IRAG1: variants seen among roughly 807,000 people sequenced by gnomAD.
IRAG1 encodes IP3R-associated cGMP kinase substrate.
In IRAG1, 62 loss-of-function variants were observed where a neutral mutation model predicts 106.2. That is an observed-to-expected ratio of 0.58 (90% confidence interval 0.48 to 0.72). The LOEUF is 0.72. IRAG1 is among the 30% of genes least tolerant of loss of function. IRAG1 has a pLI of 0.00. For missense variants in IRAG1, 1,064 were observed against 1,140.7 expected (o/e 0.93, Z 0.97); for synonymous variants, 462 against 443.9 (o/e 1.04, Z -0.51).
intron 1 of IRAG1, among the ~76,000 whole-genome samples, chr11:10,685,562 G>A (rs543212070): frequency 1.0e-4 from 15 of 150,634 alleles, no homozygotes; most frequent in South Asian, 2.1e-4. Flanking sequence ...ACAAAAAAAC[G>A]TTTAAAACAT....
chr11:10,682,242 A>G (rs1861315370), intron 1 of IRAG1, among the ~76,000 whole-genome samples: 1 of 152,210 alleles, frequency 6.6e-6, no homozygotes, highest in Non-Finnish European at 1.5e-5. Flanking sequence ...TTACAGTAAT[A>G]AGCACATTAT....
intron 18 of IRAG1, among the ~76,000 whole-genome samples, chr11:10,588,088 T>C (rs1248419881): frequency 6.6e-6 from 1 of 152,226 alleles, no homozygotes; most frequent in Non-Finnish European, 1.5e-5. Flanking sequence ...ATTACCATTG[T>C]CATCAGTGCA....
intron 18 of IRAG1, among the ~76,000 whole-genome samples, chr11:10,584,176 G>C (rs1457598133): frequency 6.6e-6 from 1 of 152,136 alleles, no homozygotes; most frequent in Non-Finnish European, 1.5e-5. Flanking sequence ...AGGCAACACT[G>C]TGAGCAGAGC....
At position 10,689,339 on chromosome 11, in the gene IRAG1, T is replaced by C. The variant is rs116511999; in HGVS notation, c.67+4197A>G. The stretch of plus-strand genomic sequence containing the variant: ...AGCAATTCTCATTCCCGGCTGACCC[T>C]GGACAGTCGGTCAACCTACCTCAAA... On this transcript the variant is annotated intron_variant, in intron 1 of 20. Coordinates refer to ENST00000423302, the MANE Select transcript of IRAG1 (RefSeq NM_130385.4). 6.0e-3 allele frequency among the ~76,000 whole-genome samples: 917 copies of C among 152,314 alleles called. 9 individuals are homozygous for C. Among genetic ancestry groups the C allele is most frequent in the African/African-American group, 0.02 (851 of 41,554 alleles).
At chr11:10,693,354 T>A in intron 1 of IRAG1, 182 bp downstream of exon 1, 1 of 1,238,062 alleles carries the variant, frequency 8.1e-7, no homozygotes, top group Non-Finnish European at 1.1e-6. Flanking sequence ...CACTTCTGAT[T>A]TAAAACTTAA....
In IRAG1 at chr11:10,693,677, C is replaced by G; in HGVS notation, c.-75G>C. 6.7e-7 allele frequency: 1 copy of G among 1,494,296 alleles called. No homozygotes were observed. The highest frequency in any genetic ancestry group is 9.0e-7 in the Non-Finnish European group (1 of 1,112,018). 92.6% of individuals were successfully genotyped at this position (1,494,296 alleles called of 1,614,324 possible). ...TGGCTGCAGAACCTCGGCCGCACGC[C>G]TCCTCTGAGAGGGGCTGGGACTTAG... On this transcript the variant is annotated 5_prime_UTR_variant, in exon 1 of 21. Transcript: ENST00000423302.
chr11:10,593,931 T>C (rs1266016987), intron 16 of IRAG1: 1 of 589,748 alleles, frequency 1.7e-6, no homozygotes, highest in Non-Finnish European at 3.0e-6. Context: ...GATCACTTCA[T>C]GTTCATTTAA....
At chr11:10,670,376 C>G (rs961373442) in intron 1 of IRAG1, among the ~76,000 whole-genome samples, 1 of 152,124 alleles carries the variant, frequency 6.6e-6, no homozygotes, top group South Asian at 2.1e-4. Flanking sequence ...TTAGAGTAGT[C>G]CTTAACTAAA....
chr11:10,658,443 G>A (rs565454324), intron 1 of IRAG1: 10 of 152,838 alleles, frequency 6.5e-5, no homozygotes, highest in African/African-American at 2.2e-4. Flanking sequence ...GGTACATAGA[G>A]TCCACTCAGT....
intron 1 of IRAG1, among the ~76,000 whole-genome samples, chr11:10,672,807 ATTC>A (rs1860351592): frequency 6.6e-6 from 1 of 152,224 alleles, no homozygotes; most frequent in Non-Finnish European, 1.5e-5. Context: ...TGATCTACCA[ATTC>A]TTCTAGATAT....
intron 2 of IRAG1, among the ~76,000 whole-genome samples, chr11:10,645,185 G>C (rs181947233): frequency 9.5e-4 from 145 of 152,176 alleles, no homozygotes; most frequent in African/African-American, 3.3e-3. Flanking sequence ...TCAATTCCTC[G>C]ATTCCATATT....
intron 2 of IRAG1, among the ~76,000 whole-genome samples, chr11:10,643,132 C>T (rs115935964): frequency 0.011 from 1,569 of 145,274 alleles, 29 homozygotes; most frequent in African/African-American, 0.039. Context: ...CCTGATCGTG[C>T]CACTGCACTC....
intron 10 of IRAG1, among the ~76,000 whole-genome samples, chr11:10,623,051 G>C (rs973927307): frequency 6.6e-6 from 1 of 152,194 alleles, no homozygotes; most frequent in East Asian, 1.9e-4. Context: ...TTCTTAGCCT[G>C]GTTTTACATG....
At chr11:10,648,773 G>A (rs190044635) in intron 2 of IRAG1, among the ~76,000 whole-genome samples, 14 of 152,238 alleles carry the variant, frequency 9.2e-5, no homozygotes, top group Admixed American at 4.6e-4. Flanking sequence ...TGAAGAGTAC[G>A]TCTGTCTGTG....
intron 10 of IRAG1, among the ~76,000 whole-genome samples, chr11:10,614,622 C>G (rs1206210127): frequency 6.6e-6 from 1 of 152,142 alleles, no homozygotes; most frequent in East Asian, 1.9e-4. Flanking sequence ...GAACAAAGCC[C>G]TCAGAAATAA....
At chr11:10,626,952 G>A (rs1052043573) in intron 8 of IRAG1, among the ~76,000 whole-genome samples, 1 of 152,190 alleles carries the variant, frequency 6.6e-6, no homozygotes, top group African/African-American at 2.4e-5. Context: ...AATTATGTAT[G>A]TGTATGTCTG....
chr11:10,604,909 G>C (rs1264534470), intron 12 of IRAG1, among the ~76,000 whole-genome samples: 1 of 152,236 alleles, frequency 6.6e-6, no homozygotes, highest in Non-Finnish European at 1.5e-5. Flanking sequence ...TTTATGCTGG[G>C]ATTTATTGCA....
At chr11:10,603,407 C>G (rs764663713) in intron 13 of IRAG1, among the ~76,000 whole-genome samples, 156 bp from the exon 14 acceptor site, 9 of 152,184 alleles carry the variant, frequency 5.9e-5, no homozygotes, top group Non-Finnish European at 1.0e-4. Context: ...TCTTCCACCT[C>G]TGATCATTAG....
At chr11:10,672,974 T>C (rs1373192473) in intron 1 of IRAG1, among the ~76,000 whole-genome samples, 2 of 152,152 alleles carry the variant, frequency 1.3e-5, no homozygotes. Context: ...TACAATAGAA[T>C]CTATTCGGTC....
Sources: gnomAD v4.1 joint callset for allele counts (sites outside exome capture counted in the v4.1 genomes callset) on GRCh38, gnomAD v4.1.1 for gene constraint, MANE v1.5 for transcripts, NCBI Gene and HGNC (gene_info 2026-07-23, HGNC 2026-07-21) for gene names.